RAB8A: variants seen among roughly 807,000 people sequenced by gnomAD.
RAB8A encodes the protein ras-related protein Rab-8A.
Under a neutral mutation model 29.2 loss-of-function variants are expected in RAB8A, and 5 were observed. The observed-to-expected ratio is 0.17, with a 90% CI of 0.09 to 0.36. The LOEUF (loss-of-function observed/expected upper bound fraction) is 0.36, where lower values mean the gene tolerates loss of function less well. Ranked by LOEUF, RAB8A falls within the 10% of genes least tolerant of loss-of-function variation. RAB8A has a pLI of 1.00. For synonymous variants in RAB8A, 108 were observed against 99.9 expected, an observed-to-expected ratio of 1.08 and a Z score of -0.49; for missense variants, 171 against 272.2, an observed-to-expected ratio of 0.63 and a Z score of 2.62.
intron 1 of RAB8A, among the ~76,000 whole-genome samples, chr19:16,115,392 A>G (rs564005247): frequency 2.6e-5 from 4 of 152,246 alleles, no homozygotes; most frequent in Admixed American, 2.6e-4. Flanking sequence ...AATCCTTAAC[A>G]TTTTGCCAAA....
chr19:16,120,032 C>T (rs944143836), intron 2 of RAB8A, among the ~76,000 whole-genome samples: 5 of 152,034 alleles, frequency 3.3e-5, no homozygotes, highest in South Asian at 4.2e-4. Context: ...AGGTTGGCTT[C>T]GAACCCCTGA....
At chr19:16,115,940 G>C (rs1393829972) in intron 1 of RAB8A, among the ~76,000 whole-genome samples, 1 of 152,174 alleles carries the variant, frequency 6.6e-6, no homozygotes, top group Non-Finnish European at 1.5e-5. Flanking sequence ...GCAGGCACTT[G>C]AACAAACTCC....
At chr19:16,112,167 C>A (rs1175307104) in intron 1 of RAB8A, 142 bp downstream of exon 1, 2 of 1,221,744 alleles carry the variant, frequency 1.6e-6, no homozygotes, top group Non-Finnish European at 2.3e-6. Flanking sequence ...GAAGAGCAGT[C>A]GCCTGCACCG....
At chr19:16,114,551 ATTTT>A (rs758614217) in intron 1 of RAB8A, among the ~76,000 whole-genome samples, 1 of 117,758 alleles carries the variant, frequency 8.5e-6, no homozygotes, top group Non-Finnish European at 1.8e-5. Context: ...TAATTTTTGT[ATTTT>A]TTTTTTTTTT....
intron 7 of RAB8A, among the ~76,000 whole-genome samples, chr19:16,130,241 T>A (rs1034201027): frequency 6.6e-6 from 1 of 152,112 alleles, no homozygotes; most frequent in South Asian, 2.1e-4. Flanking sequence ...CACTTCCCTG[T>A]ACTTTGGGGG....
chr19:16,125,088 C>T lies in RAB8A; in HGVS notation c.247-382C>T, dbSNP rs2090893077. The T allele has an allele frequency of 3.1e-6, 1 of 324,966 alleles. No individual in the cohort carries two copies. Among genetic ancestry groups the T allele is most frequent in the African/African-American group, 2.1e-5 (1 of 47,502 alleles). The allele number at this position is 324,966 out of a possible 1,614,324, so 20.1% of individuals were successfully genotyped here. On this transcript the variant is annotated intron_variant, in intron 3 of 7. Transcript: ENST00000300935. This position sits in a 1 kb window ranked among gnomAD's most constrained non-coding sequence, Gnocchi z 5.0. ...GAGGAGGCCGATTGCAGGGGAGGGT[C>T]AGCGTGAGGGGAGTGCTGCTGGCAG...
rs765198343 is a variant in RAB8A, at chr19:16,125,512, G to A, written c.289G>A (p.Asp97Asn). The part of the protein sequence containing the change: ...VYDITNEKSF[D>N]NIRNWIRNIE... ...CGACATCACCAACGAGAAGTCCTTC[G>A]ACAACATCCGGAACTGGATTCGCAA... Residue 97 changes from aspartate to asparagine, a missense_variant, in exon 4 of 8, where the codon GAC (aspartate) becomes AAC (asparagine). Around this residue, in one of 3 missense-constraint regions of RAB8A, gnomAD observed 145 missense variants for 212.8 expected, o/e 0.68. Transcript: ENST00000300935. The surrounding 1 kb of genome is among the most constrained non-coding windows in gnomAD (Gnocchi z 5.0). 7.4e-6 allele frequency: 12 copies of A among 1,614,024 alleles called. No individual in the cohort carries two copies. The East Asian group carries it at 1.3e-4, about 18-fold the overall frequency.
chr19:16,130,030 C>A (rs2090918410), intron 7 of RAB8A, among the ~76,000 whole-genome samples: 1 of 152,170 alleles, frequency 6.6e-6, no homozygotes, highest in Non-Finnish European at 1.5e-5. Flanking sequence ...CCCCGCTCCA[C>A]CCCAGCCCCA....
intron 3 of RAB8A, among the ~76,000 whole-genome samples, chr19:16,123,437 T>G (rs2090883568): frequency 6.6e-6 from 1 of 152,060 alleles, no homozygotes; most frequent in Non-Finnish European, 1.5e-5. Context: ...TAAAATTCCA[T>G]CTCTACTAAA....
At position 16,118,222 on chromosome 19, in the gene RAB8A, T is replaced by C. The variant is rs756033677; in HGVS notation, c.125-4T>C. 6.2e-7 allele frequency: 1 copy of C among 1,607,296 alleles called. No homozygotes were observed. The highest frequency in any genetic ancestry group is 1.7e-5 in the Admixed American group (1 of 60,008). ...TGACGTGCCTTTTTTCTTTTTTCTT[T>C]CAGGAATTGACTTTAAAATTAGGAC... On this transcript the variant is annotated splice_polypyrimidine_tract_variant and splice_region_variant and intron_variant, in intron 1 of 7. Transcript: ENST00000300935.
At position 16,132,033 on chromosome 19, in the gene RAB8A, C is replaced by A. The variant is rs1484618147; in HGVS notation, c.532-179C>A. Among the ~76,000 whole-genome samples, 1 of 142,964 alleles carries A rather than the reference C, an allele frequency of 7.0e-6. No homozygotes were observed. Among genetic ancestry groups the A allele is most frequent in the Non-Finnish European group, 1.5e-5 (1 of 66,040 alleles). The allele number at this position is 142,964 out of a possible 152,430, so 93.8% of individuals were successfully genotyped here. The stretch of plus-strand genomic sequence containing the variant: ...ATGATGGATGGATGGTTGGATGGCT[C>A]GTTGGTTAGTTGGTTGGTTTGGCTG... On this transcript the variant is annotated intron_variant, in intron 7 of 7. Coordinates refer to ENST00000300935, the MANE Select transcript of RAB8A (RefSeq NM_005370.5). The surrounding 1 kb of genome is among the most constrained non-coding windows in gnomAD (Gnocchi z 5.6).
Position 16,127,414 on chromosome 19 carries a change from C to T in RAB8A, c.325-23C>T. 7.0e-7 allele frequency: 1 copy of T among 1,437,796 alleles called. No homozygotes were observed. Among genetic ancestry groups the T allele is most frequent in the Non-Finnish European group, 9.2e-7 (1 of 1,085,340 alleles). 89.1% of individuals were successfully genotyped at this position (1,437,796 alleles called of 1,614,324 possible). On this transcript the variant is annotated intron_variant, in intron 4 of 7. Coordinates refer to ENST00000300935, the MANE Select transcript of RAB8A (RefSeq NM_005370.5). The surrounding 1 kb of genome is among the most constrained non-coding windows in gnomAD (Gnocchi z 4.8). ...GGCCTGTGTCATCCGGTCTGATCCC[C>T]CGTCTGTCCCCCTCCCTCTCAGCAC...
chr19:16,118,359 C>T, intron 2 of RAB8A, 73 bp downstream of exon 2: 1 of 1,381,286 alleles, frequency 7.2e-7, no homozygotes, highest in Non-Finnish European at 1.0e-6. Context: ...GGCCTTCTCC[C>T]TCCACCGTCC....
Position 16,132,182 on chromosome 19 carries a change from A to G in RAB8A, c.532-30A>G, listed in dbSNP as rs770128427. The G allele has an allele frequency of 1.3e-6, 2 of 1,533,736 alleles. No homozygotes were observed. The highest frequency in any genetic ancestry group is 2.2e-5 in the South Asian group (2 of 89,412). On this transcript the variant is annotated intron_variant, in intron 7 of 7. Transcript: ENST00000300935. This position sits in a 1 kb window ranked among gnomAD's most constrained non-coding sequence, Gnocchi z 5.6. ...TGAGACGTAGTGCTGATTCTCAGTG[A>G]TAACCTCAGAAAACCTCTTGTGATT...
At chr19:16,131,916 A>C (rs2090926398) in intron 7 of RAB8A, among the ~76,000 whole-genome samples, 1 of 145,716 alleles carries the variant, frequency 6.9e-6, no homozygotes, top group Non-Finnish European at 1.5e-5. Context: ...GGAAGGGGAC[A>C]GCTGGACGGA....
chr19:16,132,101 G>A lies in RAB8A; in HGVS notation c.532-111G>A. The A allele has an allele frequency of 1.2e-6, 1 of 865,828 alleles. No homozygotes were observed. The highest frequency in any genetic ancestry group is 2.1e-5 in the Admixed American group (1 of 47,068). 53.6% of individuals were successfully genotyped at this position (865,828 alleles called of 1,614,324 possible). A position where few individuals can be genotyped will look rare whatever the true frequency, so the allele number is the denominator to read the frequency against. On this transcript the variant is annotated intron_variant, in intron 7 of 7. Coordinates refer to ENST00000300935, the MANE Select transcript of RAB8A (RefSeq NM_005370.5). The surrounding 1 kb of genome is among the most constrained non-coding windows in gnomAD (Gnocchi z 5.6). ...GTTTGGTTGGTTGGTTGGTTGGTTGGTTGGATGGTTGGATGGATGGTTAGG... is the reference window on the plus strand; with the variant it reads ...GTTTGGTTGGTTGGTTGGTTGGTTGATTGGATGGTTGGATGGATGGTTAGG...
Position 16,127,137 on chromosome 19 carries a change from G to A in RAB8A, c.325-300G>A, listed in dbSNP as rs538087340. ...CACTCACCTCCCATAGGCTAGACCCGCCCAGCATCCCAGGTGCGGGGGCTT... is the reference window on the plus strand; with the variant it reads ...CACTCACCTCCCATAGGCTAGACCCACCCAGCATCCCAGGTGCGGGGGCTT... On this transcript the variant is annotated intron_variant, in intron 4 of 7. Transcript: ENST00000300935. This position sits in a 1 kb window ranked among gnomAD's most constrained non-coding sequence, Gnocchi z 4.8. 2.5e-5 allele frequency: 6 copies of A among 236,356 alleles called. No individual in the cohort carries two copies. Among genetic ancestry groups the A allele is most frequent in the South Asian group, 3.5e-4 (2 of 5,640 alleles). The allele number at this position is 236,356 out of a possible 1,614,324, so 14.6% of individuals were successfully genotyped here.
chr19:16,131,075 C>T (rs753822009), intron 7 of RAB8A, among the ~76,000 whole-genome samples: 4 of 152,142 alleles, frequency 2.6e-5, no homozygotes, highest in African/African-American at 4.8e-5. Flanking sequence ...CCACCTGCCT[C>T]GGCCTCCCAA....
rs1354052996 is a variant in RAB8A at position 16,129,619 on chromosome 19, T to C, written c.531+15T>C. On this transcript the variant is annotated intron_variant, in intron 7 of 7. Transcript: ENST00000300935. ...ACAAAAAATTGGTGAGTGTGTGTCC[T>C]TCCGAGATCCCCGGGTGGATCTCTG... 3.1e-6 allele frequency: 5 copies of C among 1,612,932 alleles called. No homozygotes were observed. Among genetic ancestry groups the C allele is most frequent in the Non-Finnish European group, 4.2e-6 (5 of 1,179,336 alleles).
Sources: allele counts gnomAD v4.1 joint callset (sites outside exome capture counted in the v4.1 genomes callset), GRCh38; gene constraint gnomAD v4.1.1; regional missense constraint gnomAD v4.1.1; non-coding constraint Gnocchi (gnomAD v3.1); transcripts MANE v1.5; gene names NCBI Gene and HGNC (gene_info 2026-07-23, HGNC 2026-07-21).